The following SH3RF3 variants were observed in gnomAD, a reference collection of about 807,000 sequenced individuals.
The protein encoded by SH3RF3 is E3 ubiquitin-protein ligase SH3RF3.
A neutral mutation model predicts 66.3 loss-of-function variants in SH3RF3; 29 were observed. The observed-to-expected ratio is 0.44, with a 90% confidence interval of 0.33 to 0.60. The LOEUF (loss-of-function observed/expected upper bound fraction) is 0.60, where lower values mean the gene tolerates loss of function less well. Among genes scored for constraint, SH3RF3 ranks in the 20% least tolerant of loss-of-function variants. The pLI, the probability that SH3RF3 is intolerant of heterozygous loss-of-function variation, is 0.04. For synonymous variants in SH3RF3, 583 were observed against 532.0 expected (o/e 1.10, Z -1.32); for missense variants, 1,194 against 1,190.9 (o/e 1.00, Z -0.04).
intron 2 of SH3RF3, among the ~76,000 whole-genome samples, chr2:109,367,281 A>G (rs1683170565): frequency 6.6e-6 from 1 of 150,918 alleles, no homozygotes; most frequent in Admixed American, 6.6e-5. Context: ...TGAATTTTTT[A>G]CTTTTTATTT....
intron 6 of SH3RF3, among the ~76,000 whole-genome samples, chr2:109,436,303 A>G (rs555680937): frequency 3.9e-5 from 6 of 152,334 alleles, no homozygotes; most frequent in Admixed American, 3.9e-4. Context: ...AAGCGTGAAA[A>G]GCCCCATTTC....
chr2:109,450,786 A>T (rs1677845215), intron 8 of SH3RF3, among the ~76,000 whole-genome samples: 1 of 152,196 alleles, frequency 6.6e-6, no homozygotes, highest in Non-Finnish European at 1.5e-5. Context: ...CTGGGCAAGG[A>T]GCCACTCTGT....
At chr2:109,495,915 C>CAAT (rs1679246807) in intron 9 of SH3RF3, among the ~76,000 whole-genome samples, 2 of 152,104 alleles carry the variant, frequency 1.3e-5, no homozygotes, top group Non-Finnish European at 2.9e-5. Flanking sequence ...GCACACTAAA[C>CAAT]ACAACAATAA....
chr2:109,436,888 C>T lies in SH3RF3; in HGVS notation c.1575-5C>T. 6.2e-7 allele frequency: 1 copy of T among 1,612,572 alleles called. No individual in the cohort carries two copies. Among genetic ancestry groups the T allele is most frequent in the Non-Finnish European group, 8.5e-7 (1 of 1,179,340 alleles). Reference sequence around the variant, plus strand: ...ATCAGAATTCCTTCTGCTTTCTCTCCACAGGGTGCCTGCAGGAGGGGCAGG... The same window carrying T: ...ATCAGAATTCCTTCTGCTTTCTCTCTACAGGGTGCCTGCAGGAGGGGCAGG... On this transcript the variant is annotated splice_region_variant and splice_polypyrimidine_tract_variant and intron_variant, in intron 6 of 9. Transcript: ENST00000309415.
intron 4 of SH3RF3, among the ~76,000 whole-genome samples, chr2:109,415,414 TG>T (rs1031097605): frequency 3.9e-5 from 6 of 152,180 alleles, no homozygotes; most frequent in African/African-American, 1.4e-4. Flanking sequence ...TGCTCAGAGC[TG>T]GGCCCAGCCA....
At chr2:109,168,572 C>T (rs1031690715) in intron 1 of SH3RF3, among the ~76,000 whole-genome samples, 6 of 152,312 alleles carry the variant, frequency 3.9e-5, no homozygotes, top group African/African-American at 7.2e-5. Flanking sequence ...TTCTAATCTT[C>T]GGACTGTAAT....
intron 5 of SH3RF3, among the ~76,000 whole-genome samples, chr2:109,430,396 C>T (rs1677160895): frequency 6.6e-6 from 1 of 152,114 alleles, no homozygotes; most frequent in South Asian, 2.1e-4. Flanking sequence ...TGCACTCTTC[C>T]TCTCCTCTTC....
At chr2:109,170,302 C>T (rs535036293) in intron 1 of SH3RF3, among the ~76,000 whole-genome samples, 1 of 126,290 alleles carries the variant, frequency 7.9e-6, no homozygotes, top group Non-Finnish European at 1.7e-5. Flanking sequence ...CTCTTCTCTT[C>T]TCTTCTCTTC....
At chr2:109,452,816 T>C (rs543732022) in intron 8 of SH3RF3, among the ~76,000 whole-genome samples, 8 of 139,438 alleles carry the variant, frequency 5.7e-5, no homozygotes, top group Non-Finnish European at 1.2e-4. Context: ...GGAGGCTGGT[T>C]CTGGGAGGCT....
chr2:109,257,074 T>A (rs937363196), intron 1 of SH3RF3, among the ~76,000 whole-genome samples: 4 of 152,146 alleles, frequency 2.6e-5, no homozygotes, highest in Non-Finnish European at 4.4e-5. Flanking sequence ...AGGGGCACCG[T>A]GTATTTCAGT....
chr2:109,170,350 T>G (rs952313792), intron 1 of SH3RF3, among the ~76,000 whole-genome samples: 3 of 151,274 alleles, frequency 2.0e-5, no homozygotes, highest in African/African-American at 7.3e-5. Context: ...CTCTTTCCTT[T>G]CTTTCTTTCT....
intron 1 of SH3RF3, among the ~76,000 whole-genome samples, chr2:109,315,984 T>C (rs910021067): frequency 1.2e-4 from 18 of 152,220 alleles, no homozygotes; most frequent in Non-Finnish European, 5.9e-5. Context: ...TTGGTCTGAC[T>C]GTGTGAGATT....
intron 1 of SH3RF3, among the ~76,000 whole-genome samples, chr2:109,200,323 G>A (rs1229162791): frequency 6.6e-6 from 1 of 152,182 alleles, no homozygotes; most frequent in Non-Finnish European, 1.5e-5. Context: ...CCCTGCCGCA[G>A]AACTCACTAG....
intron 1 of SH3RF3, among the ~76,000 whole-genome samples, chr2:109,211,334 G>T (rs1218830446): frequency 1.3e-5 from 2 of 152,208 alleles, no homozygotes. Flanking sequence ...TATTAATAAT[G>T]CTGGAGGCAA....
At chr2:109,481,112 G>C (rs1478359212) in intron 8 of SH3RF3, among the ~76,000 whole-genome samples, 1 of 152,216 alleles carries the variant, frequency 6.6e-6, no homozygotes, top group African/African-American at 2.4e-5. Context: ...CAGCTGTTCA[G>C]AAAGGCAGGA....
intron 4 of SH3RF3, among the ~76,000 whole-genome samples, chr2:109,402,629 G>A (rs1390650805): frequency 6.6e-6 from 1 of 152,224 alleles, no homozygotes; most frequent in African/African-American, 2.4e-5. Flanking sequence ...GGGACCCAGT[G>A]TGTCCATTCA....
intron 1 of SH3RF3, among the ~76,000 whole-genome samples, chr2:109,272,676 T>A (rs1426966045): frequency 6.6e-6 from 1 of 152,196 alleles, no homozygotes; most frequent in Non-Finnish European, 1.5e-5. Context: ...AGCGCTGAGT[T>A]GTCATGGAGA....
At chr2:109,388,727 G>A (rs943214266) in intron 3 of SH3RF3, among the ~76,000 whole-genome samples, 1 of 152,212 alleles carries the variant, frequency 6.6e-6, no homozygotes, top group Non-Finnish European at 1.5e-5. Flanking sequence ...CCTGCAAGAG[G>A]ATGAAGTAGG....
intron 1 of SH3RF3, among the ~76,000 whole-genome samples, chr2:109,273,354 C>T (rs186368769): frequency 2.0e-5 from 3 of 152,224 alleles, no homozygotes; most frequent in Admixed American, 2.0e-4. Flanking sequence ...TTGGTCATCC[C>T]AAGCTCCATT....
Sources: allele counts gnomAD v4.1 joint callset (sites outside exome capture counted in the v4.1 genomes callset), GRCh38; gene constraint gnomAD v4.1.1; transcripts MANE v1.5; gene names NCBI Gene and HGNC (gene_info 2026-07-23, HGNC 2026-07-21).